Variants in MYO1A observed in about 807,000 individuals in gnomAD.
The protein encoded by MYO1A is unconventional myosin-Ia.
A neutral mutation model predicts 138.5 loss-of-function variants in MYO1A; 127 were observed. The observed-to-expected ratio is 0.92, with a 90% CI of 0.79 to 1.06. The LOEUF is 1.06. MYO1A is among the 50% of genes least tolerant of loss of function. The pLI, the probability that MYO1A is intolerant of heterozygous loss-of-function variation, is 0.00. For synonymous variants in MYO1A, 477 were observed against 497.5 expected, an observed-to-expected ratio of 0.96 and a Z score of 0.55; for missense variants, 1,211 against 1,288.8, an observed-to-expected ratio of 0.94 and a Z score of 0.92.
chr12:57,048,375 CACTCA>C (rs752663504), intron 1 of MYO1A, 32 bp from the exon 2 acceptor site: 1 of 1,338,360 alleles, frequency 7.5e-7, no homozygotes, highest in Admixed American at 1.7e-5. Context: ...TGCTGATGTC[CACTCA>C]GCTTTAGGGG....
chr12:57,043,767 A>T, intron 10 of MYO1A, 89 bp downstream of exon 10: 1 of 1,566,706 alleles, frequency 6.4e-7, no homozygotes, highest in Non-Finnish European at 8.7e-7. Flanking sequence ...TCAGGGTGAG[A>T]TCAATTATGC....
chr12:57,034,389 A>G (rs75249987), intron 22 of MYO1A, among the ~76,000 whole-genome samples: 13,700 of 152,288 alleles, frequency 0.09, 655 homozygotes, highest in East Asian at 0.18. Flanking sequence ...GATAATGGGT[A>G]AGGCCGGGTG....
In MYO1A at chr12:57,037,891, G is replaced by A; in HGVS notation, c.1939C>T (p.Pro647Ser). Reference protein sequence around the residue: ...RYRLLSRSTWPHWNGGDREGV... With the variant: ...RYRLLSRSTWSHWNGGDREGV... ...TACCGGTCTCCCCCATTCCAGTGAGGCCAGGTGCTCCGGCTCAGCAATCGG... is the reference window on the plus strand; with the variant it reads ...TACCGGTCTCCCCCATTCCAGTGAGACCAGGTGCTCCGGCTCAGCAATCGG... Residue 647 changes from proline (P) to serine (S), a missense_variant, in exon 18 of 28, where the codon CCT (proline) becomes TCT (serine). Physicochemically the swap from Pro to Ser is moderately conservative, Grantham distance 74 (BLOSUM62 -1). Transcript: ENST00000300119. The A allele has an allele frequency of 6.2e-7, 1 of 1,614,130 alleles. No homozygotes were observed. Among genetic ancestry groups the A allele is most frequent in the Non-Finnish European group, 8.5e-7 (1 of 1,180,028 alleles).
Position 57,038,566 on chromosome 12 carries a change from A to G in MYO1A, c.1606T>C (p.Trp536Arg), listed in dbSNP as rs939130363. The change falls in exon 17 of 28, where the codon TGG becomes CGG. Residue 536 changes from tryptophan to arginine, a missense_variant. Transcript: ENST00000300119. ...CGAAGGAGGGGGTGCTGGGCCTTCC[A>G]CATGGCCTGCAACAGGTCTCGGAAG... is the stretch of plus-strand genomic sequence containing the variant. Reference protein sequence around the residue: ...LLFRDLLQAMWKAQHPLLRSL... With the variant: ...LLFRDLLQAMRKAQHPLLRSL... The G allele has an allele frequency of 3.7e-6, 6 of 1,614,090 alleles. No individual in the cohort carries two copies. The highest frequency in any genetic ancestry group is 1.1e-5 in the South Asian group (1 of 91,084).
chr12:57,047,237 G>A, intron 5 of MYO1A, 66 bp downstream of exon 5: 1 of 1,576,392 alleles, frequency 6.3e-7, no homozygotes, highest in South Asian at 1.1e-5. Flanking sequence ...TGGGGAAGAG[G>A]GTCTAGGGCT....
Position 57,037,020 on chromosome 12 carries a change from T to C in MYO1A, c.2127A>G (p.Arg709=). Residue 709 remains arginine (R), a synonymous_variant, in exon 20 of 28, where the codon CGA becomes CGG. Transcript: ENST00000300119. The part of the protein sequence containing the change: ...QLATLIQKIY[R]GWRCRTHYQL... ...GGTAGTGGGTGCGGCAGCGCCAGCC[T>C]CGGTAAATCTTCTGTATGAGTGTGG... is the stretch of plus-strand genomic sequence containing the variant. The C allele has an allele frequency of 6.2e-7, 1 of 1,614,162 alleles. No individual in the cohort carries two copies. The highest frequency in any genetic ancestry group is 1.3e-5 in the African/African-American group (1 of 75,028).
chr12:57,048,477 T>C (rs2031219675), intron 1 of MYO1A, 134 bp from the exon 2 acceptor site: 2 of 681,478 alleles, frequency 2.9e-6, no homozygotes, highest in Non-Finnish European at 5.3e-6. Context: ...GCCCCCAACC[T>C]AGGAGAGGCC....
In MYO1A at chr12:57,029,501, T is replaced by C. The variant is rs760649045; in HGVS notation, c.2811A>G (p.Leu937=). ...KKSQAKIVIG[L]DNVAGVSVTS... Reference sequence around the variant, plus strand: ...TGACTGACACCCCAGCCACATTGTCTAGCCCAATGACAATTTTGGCCTGGG... The same window carrying C: ...TGACTGACACCCCAGCCACATTGTCCAGCCCAATGACAATTTTGGCCTGGG... Residue 937 remains leucine, a synonymous_variant, in exon 26 of 28, where the codon CTA becomes CTG. Transcript: ENST00000300119. 2 of 1,614,192 alleles carry C rather than the reference T, an allele frequency of 1.2e-6. No individual in the cohort carries two copies. The highest frequency in any genetic ancestry group is 2.2e-5 in the East Asian group (1 of 44,880).
chr12:57,046,867 T>G lies in MYO1A; in HGVS notation c.537A>C (p.Thr179=). 7 of 1,614,036 alleles carry G rather than the reference T, an allele frequency of 4.3e-6. No homozygotes were observed. Among genetic ancestry groups the G allele is most frequent in the Non-Finnish European group, 5.9e-6 (7 of 1,179,976 alleles). ...TGGAATTGGGGAGACACGTACAGTT[T>G]GTGATGACACCACCGAGGGGGGATC... ...FKGSPLGGVI[T]NYLLEKSRLV... is the part of the protein sequence containing the mutation. The change falls in exon 7 of 28, where the codon ACA becomes ACC. Residue 179 remains threonine (T), a synonymous_variant. Transcript: ENST00000300119.
Position 57,046,667 on chromosome 12 carries a change from A to G in MYO1A, c.542-17T>C. ...CAAGCAGATCTGGCAGAGAATTAGA[A>G]AAATAATATCCTGAGGGCCTGGGAG... is the stretch of plus-strand genomic sequence containing the variant. On this transcript the variant is annotated splice_polypyrimidine_tract_variant and intron_variant, in intron 7 of 27. Transcript: ENST00000300119. 1 of 1,608,180 alleles carries G rather than the reference A, an allele frequency of 6.2e-7. No homozygotes were observed. The highest frequency in any genetic ancestry group is 8.5e-7 in the Non-Finnish European group (1 of 1,174,638).
rs558293612 is a variant in MYO1A at position 57,046,702 on chromosome 12, C to T, written c.542-52G>A. The T allele has an allele frequency of 3.6e-5, 56 of 1,545,770 alleles. 2 individuals are homozygous for T. The highest frequency in any genetic ancestry group is 1.7e-4 in the South Asian group (15 of 89,686). On this transcript the variant is annotated intron_variant, in intron 7 of 27. Transcript: ENST00000300119. Reference sequence around the variant, plus strand: ...CCTGAGGGCCTGGGAGATGCCGTAGCTTCTCCAGCCCTACTGGAGAATGCC... The same window carrying T: ...CCTGAGGGCCTGGGAGATGCCGTAGTTTCTCCAGCCCTACTGGAGAATGCC...
Position 57,042,932 on chromosome 12 carries a change from AAC to A in MYO1A, c.1098+138_1098+139del, listed in dbSNP as rs1163026698. The A allele has an allele frequency of 1.1e-5, 9 of 787,190 alleles. No individual in the cohort carries two copies. The Admixed American group carries it at 1.6e-4, about 14-fold the overall frequency. 48.8% of individuals were successfully genotyped at this position (787,190 alleles called of 1,614,324 possible). A position where few individuals can be genotyped will look rare whatever the true frequency, so the allele number is the denominator to read the frequency against. On this transcript the variant is annotated intron_variant, in intron 12 of 27. Coordinates refer to ENST00000300119, the MANE Select transcript of MYO1A (RefSeq NM_005379.4). ...CAAAAGCCAGTGATGTTTCCATGAC[AAC>A]ACACTGTTAGAAGGAACTGTACCCT...
chr12:57,037,371 A>T (rs748862370), intron 19 of MYO1A, among the ~76,000 whole-genome samples, 177 bp downstream of exon 19: 28 of 152,186 alleles, frequency 1.8e-4, no homozygotes, highest in Admixed American at 4.6e-4. Context: ...GGCTCAGGGC[A>T]GTGTAGGAAC....
At position 57,040,063 on chromosome 12, in the gene MYO1A, C is replaced by T. The variant is rs1233272114; in HGVS notation, c.1270-789G>A. The stretch of plus-strand genomic sequence containing the variant: ...CTCCTGATCCCACCCAAGGGTCAGA[C>T]GCTCCAGGCTGGGACATTCTCAGGT... On this transcript the variant is annotated intron_variant, in intron 14 of 27. Transcript: ENST00000300119. Among the ~76,000 whole-genome samples, 5 of 152,200 alleles carry T rather than the reference C, an allele frequency of 3.3e-5. No individual in the cohort carries two copies. In the East Asian group the frequency reaches 5.8e-4, roughly 18 times the overall value.
intron 21 of MYO1A, 123 bp downstream of exon 21, chr12:57,036,649 A>G: frequency 8.2e-7 from 1 of 1,216,172 alleles, no homozygotes; most frequent in Non-Finnish European, 1.2e-6. Flanking sequence ...CCACACATGG[A>G]CCGGCTGATA....
chr12:57,029,508 A>C lies in MYO1A; in HGVS notation c.2804T>G (p.Ile935Ser). The C allele has an allele frequency of 1.9e-6, 3 of 1,614,166 alleles. No individual in the cohort carries two copies. Among genetic ancestry groups the C allele is most frequent in the Non-Finnish European group, 2.5e-6 (3 of 1,180,022 alleles). Residue 935 changes from isoleucine (I) to serine (S), a missense_variant, in exon 26 of 28, where the codon ATT (isoleucine) becomes AGT (serine). By Grantham distance (142) the Ile-to-Ser change is moderately radical. Transcript: ENST00000300119. ...CACCCCAGCCACATTGTCTAGCCCA[A>C]TGACAATTTTGGCCTGGGACTTCTT... is the stretch of plus-strand genomic sequence containing the variant. Reference protein sequence around the residue: ...DTKKSQAKIVIGLDNVAGVSV... With the variant: ...DTKKSQAKIVSGLDNVAGVSV...
At chr12:57,036,182 T>C in intron 22 of MYO1A, 125 bp downstream of exon 22, 1 of 962,222 alleles carries the variant, frequency 1.0e-6, no homozygotes, top group East Asian at 2.5e-5. Flanking sequence ...CTCCTAGGAC[T>C]TAAGTACATG....
At position 57,047,663 on chromosome 12, in the gene MYO1A, T is replaced by G. The variant is rs1005719231; in HGVS notation, c.289A>C (p.Ile97Leu). The change falls in exon 4 of 28, where the codon ATC (isoleucine) becomes CTC (leucine). Residue 97 changes from isoleucine to leucine, a missense_variant. Transcript: ENST00000300119. Reference sequence around the variant, plus strand: ...GATCCACTCTCGCCTGTGATGAGGATACACTGGTCTCGGTCCCTGTCCCTC... The same window carrying G: ...GATCCACTCTCGCCTGTGATGAGGAGACACTGGTCTCGGTCCCTGTCCCTC... ...SLRDRDRDQC[I>L]LITGESGSGK... The G allele has an allele frequency of 3.1e-6, 5 of 1,614,104 alleles. No individual in the cohort carries two copies. Among genetic ancestry groups the G allele is most frequent in the Non-Finnish European group, 4.2e-6 (5 of 1,180,050 alleles).
chr12:57,041,756 A>G (rs562076345), intron 12 of MYO1A, among the ~76,000 whole-genome samples: 82 of 152,118 alleles, frequency 5.4e-4, no homozygotes, highest in Admixed American at 1.3e-3. Context: ...AGACAATAAA[A>G]CCTCTCAGGA....
Sources: gnomAD v4.1 joint callset for allele counts (sites outside exome capture counted in the v4.1 genomes callset) on GRCh38, gnomAD v4.1.1 for gene constraint, MANE v1.5 for transcripts, NCBI Gene and HGNC (gene_info 2026-07-23, HGNC 2026-07-21) for gene names.